The following MARCHF8 variants were observed in gnomAD, a reference collection of about 807,000 sequenced individuals.
The protein encoded by MARCHF8 is membrane associated ring-CH-type finger 8, also known as E3 ubiquitin-protein ligase MARCHF8.
In MARCHF8, 40 loss-of-function variants were observed where a neutral mutation model predicts 51.6. The observed-to-expected ratio is 0.77, with a 90% CI of 0.60 to 1.01. The LOEUF (loss-of-function observed/expected upper bound fraction) is 1.01, where lower values mean the gene tolerates loss of function less well. Ranked by LOEUF, MARCHF8 falls within the 50% of genes least tolerant of loss-of-function variation. The pLI, the probability that MARCHF8 is intolerant of heterozygous loss-of-function variation, is 0.00. For missense variants in MARCHF8, 685 were observed against 708.6 expected, an observed-to-expected ratio of 0.97 and a Z score of 0.38; for synonymous variants, 263 against 280.3, an observed-to-expected ratio of 0.94 and a Z score of 0.62.
In MARCHF8 at chr10:45,571,654, C is replaced by T. The variant is rs893793206; in HGVS notation, c.-79+22581G>A. Reference sequence around the variant, plus strand: ...TGCTCTTTGCTCTGTGAGAAAGGTCCACCTACGACCTCTGGTCCTCTGACC... The same window carrying T: ...TGCTCTTTGCTCTGTGAGAAAGGTCTACCTACGACCTCTGGTCCTCTGACC... On this transcript the variant is annotated intron_variant, in intron 1 of 6. Transcript: ENST00000319836. 5.9e-5 allele frequency among the ~76,000 whole-genome samples: 9 copies of T among 152,268 alleles called. No individual in the cohort carries two copies. The East Asian group carries it at 1.7e-3, about 29-fold the overall frequency.
At chr10:45,532,417 T>C (rs1009720946) in intron 2 of MARCHF8, among the ~76,000 whole-genome samples, 2 of 152,248 alleles carry the variant, frequency 1.3e-5, no homozygotes, top group African/African-American at 2.4e-5. Flanking sequence ...CACAAAACTT[T>C]TATGCCAGAA....
chr10:45,567,846 T>C (rs1367806352), intron 1 of MARCHF8, among the ~76,000 whole-genome samples: 2 of 152,226 alleles, frequency 1.3e-5, no homozygotes, highest in African/African-American at 4.8e-5. Context: ...TGGTAGGGTT[T>C]GCATTTAATC....
At chr10:45,562,104 C>CAG (rs1455419919) in intron 1 of MARCHF8, among the ~76,000 whole-genome samples, 2 of 151,848 alleles carry the variant, frequency 1.3e-5, no homozygotes, top group Non-Finnish European at 2.9e-5. Flanking sequence ...ATAAATTACT[C>CAG]AGAGTTAGGG....
chr10:45,463,257 C>T lies in MARCHF8; in HGVS notation c.982G>A (p.Ala328Thr). Residue 328 changes from alanine to threonine, a missense_variant, in exon 5 of 8, where the codon GCG becomes ACG. Physicochemically the swap from Ala to Thr is moderately conservative, Grantham distance 58. Coordinates refer to ENST00000453424, the MANE Select transcript of MARCHF8 (RefSeq NM_001282866.2). ...TCCTTTTCCGTGGAGCAGAGGGGCG[C>T]CCGCAGAACCCTACTCTTCAGTTTT... Reference protein sequence around the residue: ...SAKLKSRVLRAPLCSTEKDSD... With the variant: ...SAKLKSRVLRTPLCSTEKDSD... 1.9e-6 allele frequency: 3 copies of T among 1,550,906 alleles called. No homozygotes were observed. Among genetic ancestry groups the T allele is most frequent in the Non-Finnish European group, 1.7e-6 (2 of 1,147,064 alleles).
In MARCHF8 at chr10:45,512,617, C is replaced by T. The variant is rs868101498; in HGVS notation, c.102+20493G>A. Among the ~76,000 whole-genome samples the T allele has an allele frequency of 2.6e-3, 385 of 147,958 alleles. 2 individuals are homozygous for T. The highest frequency in any genetic ancestry group is 8.6e-3 in the African/African-American group (343 of 40,096). ...GAGGGAGGTGGGGGGGTCAGCCCCC[C>T]GCCCGGCCAGCCGCCCCGTCCGGGA... is the stretch of plus-strand genomic sequence containing the variant. On this transcript the variant is annotated intron_variant, in intron 2 of 7. Transcript: ENST00000453424.
intron 3 of MARCHF8, among the ~76,000 whole-genome samples, chr10:45,475,667 C>G (rs1225073689): frequency 6.6e-6 from 1 of 152,150 alleles, no homozygotes; most frequent in Non-Finnish European, 1.5e-5. Flanking sequence ...CTGCCATCAC[C>G]CATATCATGC....
chr10:45,500,861 C>T (rs7076198), intron 2 of MARCHF8, among the ~76,000 whole-genome samples: 35,036 of 150,222 alleles, frequency 0.23, 4,251 homozygotes, highest in Admixed American at 0.3. Context: ...AACTGCATTG[C>T]TATATATATA....
chr10:45,525,619 G>C (rs1195250344), intron 2 of MARCHF8, among the ~76,000 whole-genome samples: 1 of 152,100 alleles, frequency 6.6e-6, no homozygotes. Context: ...GTACAAAAGG[G>C]GAGAAAAAGA....
At chr10:45,485,625 A>G (rs972542719) in intron 3 of MARCHF8, among the ~76,000 whole-genome samples, 1 of 152,164 alleles carries the variant, frequency 6.6e-6, no homozygotes, top group African/African-American at 2.4e-5. Context: ...TATGCTTCCA[A>G]TACACACTGA....
At chr10:45,516,030 C>T (rs2043612499) in intron 2 of MARCHF8, among the ~76,000 whole-genome samples, 1 of 152,138 alleles carries the variant, frequency 6.6e-6, no homozygotes, top group Non-Finnish European at 1.5e-5. Flanking sequence ...AGTGACATTC[C>T]TTTTTCTCCA....
intron 1 of MARCHF8, among the ~76,000 whole-genome samples, chr10:45,586,026 G>A (rs1361702412): frequency 6.6e-6 from 1 of 152,058 alleles, no homozygotes; most frequent in African/African-American, 2.4e-5. Context: ...GTCTGTAAAT[G>A]CTTTTTAGAC....
intron 1 of MARCHF8, among the ~76,000 whole-genome samples, chr10:45,586,767 T>C (rs2044622825): frequency 6.6e-6 from 1 of 152,084 alleles, no homozygotes; most frequent in African/African-American, 2.4e-5. Context: ...GTGAAGTTGC[T>C]CCACAAATTT....
chr10:45,570,032 G>T (rs1317810640), intron 1 of MARCHF8, among the ~76,000 whole-genome samples: 1 of 152,144 alleles, frequency 6.6e-6, no homozygotes, highest in African/African-American at 2.4e-5. Context: ...AAACAGCCAT[G>T]TATTTATTAA....
chr10:45,591,349 T>C (rs938394459), intron 1 of MARCHF8, among the ~76,000 whole-genome samples: 5 of 151,972 alleles, frequency 3.3e-5, no homozygotes, highest in Non-Finnish European at 7.4e-5. Context: ...CCCATAGTCC[T>C]AGCTACTTGG....
chr10:45,550,831 T>C (rs2044186656), intron 1 of MARCHF8, among the ~76,000 whole-genome samples: 1 of 152,218 alleles, frequency 6.6e-6, no homozygotes, highest in Non-Finnish European at 1.5e-5. Flanking sequence ...TTCCCTTCTT[T>C]ACAACCCATA....
At chr10:45,586,348 A>G (rs149212420) in intron 1 of MARCHF8, among the ~76,000 whole-genome samples, 34 of 152,246 alleles carry the variant, frequency 2.2e-4, no homozygotes, top group African/African-American at 8.2e-4. Context: ...TGCTCAGCAT[A>G]ATGTTTTTAA....
intron 1 of MARCHF8, among the ~76,000 whole-genome samples, chr10:45,546,364 TG>T (rs148083435): frequency 0.025 from 3,831 of 152,164 alleles, 68 homozygotes; most frequent in Middle Eastern, 0.058. Flanking sequence ...GGTTTCACCA[TG>T]TTGGCCAGAG....
At chr10:45,485,839 C>T (rs2133066502) in intron 3 of MARCHF8, among the ~76,000 whole-genome samples, 1 of 152,278 alleles carries the variant, frequency 6.6e-6, no homozygotes, top group Middle Eastern at 3.4e-3. Flanking sequence ...ACGGGGATTT[C>T]AGGTAGCATA....
At chr10:45,473,373 G>A (rs1236427041) in intron 3 of MARCHF8, among the ~76,000 whole-genome samples, 1 of 152,256 alleles carries the variant, frequency 6.6e-6, no homozygotes, top group African/African-American at 2.4e-5. Context: ...GCAACTGCCA[G>A]AGCCTACAGA....
Sources: gnomAD v4.1 joint callset for allele counts (sites outside exome capture counted in the v4.1 genomes callset) on GRCh38, gnomAD v4.1.1 for gene constraint, MANE v1.5 for transcripts, NCBI Gene and HGNC (gene_info 2026-07-23, HGNC 2026-07-21) for gene names.